Variants in NGLY1 observed in about 807,000 individuals in gnomAD.
The protein encoded by NGLY1 is peptide-N(4)-(N-acetyl-beta-glucosaminyl)asparagine amidase.
In NGLY1, 68 loss-of-function variants were observed where a neutral mutation model predicts 84.6. That is an observed-to-expected ratio of 0.80 (90% CI 0.66 to 0.98). The LOEUF (loss-of-function observed/expected upper bound fraction) is 0.98. Ranked by LOEUF, NGLY1 falls within the 50% of genes least tolerant of loss-of-function variation. The pLI, the probability that NGLY1 is intolerant of heterozygous loss-of-function variation, is 0.00. For missense variants in NGLY1, 779 were observed against 770.2 expected (o/e 1.01, Z -0.14); for synonymous variants, 280 against 275.2 (o/e 1.02, Z -0.17).
chr3:25,762,030 T>A (rs1168664041), intron 3 of NGLY1, among the ~76,000 whole-genome samples: 1 of 152,174 alleles, frequency 6.6e-6, no homozygotes, highest in Non-Finnish European at 1.5e-5. Context: ...ACCACCACTA[T>A]CATCATTTAT....
At chr3:25,739,521 C>A (rs769279743) in intron 5 of NGLY1, 56 bp downstream of exon 5, 74 of 1,496,278 alleles carry the variant, frequency 4.9e-5, no homozygotes, top group Non-Finnish European at 6.6e-5. Flanking sequence ...AGTAAAAACT[C>A]TCTTCTAACT....
At chr3:25,757,251 T>C (rs1223151112) in intron 3 of NGLY1, among the ~76,000 whole-genome samples, 2 of 152,186 alleles carry the variant, frequency 1.3e-5, no homozygotes, top group African/African-American at 4.8e-5. Flanking sequence ...TAAATATTTG[T>C]TATATAGCAT....
intron 4 of NGLY1, among the ~76,000 whole-genome samples, chr3:25,741,916 A>C (rs1575624733): frequency 6.6e-6 from 1 of 152,014 alleles, no homozygotes; most frequent in African/African-American, 2.4e-5. Flanking sequence ...CAGGAGAATC[A>C]CTTGAACCTG....
chr3:25,767,337 A>C (rs1022743620), intron 2 of NGLY1, among the ~76,000 whole-genome samples: 15 of 152,078 alleles, frequency 9.9e-5, no homozygotes, highest in Non-Finnish European at 2.1e-4. Flanking sequence ...TATTTAACAA[A>C]TTTGTTTCTC....
At chr3:25,744,568 G>A (rs1045648300) in intron 4 of NGLY1, among the ~76,000 whole-genome samples, 27 of 152,220 alleles carry the variant, frequency 1.8e-4, no homozygotes, top group Non-Finnish European at 4.0e-4. Flanking sequence ...CTGGGGCAGA[G>A]ACTGATGGTG....
rs967817648 is a variant in NGLY1, at chr3:25,719,352, G to GA, written c.*107dup. 3.8e-6 allele frequency: 3 copies of GA among 782,996 alleles called. No homozygotes were observed. In the African/African-American group the frequency reaches 5.2e-5, roughly 13 times the overall value. 48.5% of individuals were successfully genotyped at this position (782,996 alleles called of 1,614,324 possible). A position where few individuals can be genotyped will look rare whatever the true frequency, so the allele number is the denominator to read the frequency against. ...GTTACATGATGGATAGCTAGCAAAA[G>GA]AAATATGCTAGCACAGGGTGGTAAC... is the stretch of plus-strand genomic sequence containing the variant. On this transcript the variant is annotated 3_prime_UTR_variant, in exon 12 of 12. Transcript: ENST00000280700.
At chr3:25,759,789 AT>A (rs1470633370) in intron 3 of NGLY1, among the ~76,000 whole-genome samples, 1 of 152,170 alleles carries the variant, frequency 6.6e-6, no homozygotes, top group East Asian at 1.9e-4. Flanking sequence ...ACTTCCAATT[AT>A]TTTGATTTCT....
intron 10 of NGLY1, among the ~76,000 whole-genome samples, chr3:25,722,111 G>A (rs933586989): frequency 6.6e-6 from 1 of 151,794 alleles, no homozygotes; most frequent in Non-Finnish European, 1.5e-5. Flanking sequence ...CCAGCTACTC[G>A]GGAGGCTGAT....
rs974451556 is a variant in NGLY1 at position 25,783,349 on chromosome 3, G to T, written c.42C>A (p.Ser14=). Reference sequence around the variant, plus strand: ...TCTGGCAGAGCTCAGCCACGGCCGGGGACGCCGAGCCTGAGGAGCTGCCCA... The same window carrying T: ...TCTGGCAGAGCTCAGCCACGGCCGGTGACGCCGAGCCTGAGGAGCTGCCCA... ...AALGSSSGSA[S]PAVAELCQNT... Residue 14 remains serine, a synonymous_variant, in exon 1 of 12, where the codon TCC becomes TCA. Transcript: ENST00000280700. This position sits in a 1 kb window ranked among gnomAD's most constrained non-coding sequence, Gnocchi z 4.5. 4 of 1,573,732 alleles carry T rather than the reference G, an allele frequency of 2.5e-6. No individual in the cohort carries two copies. Among genetic ancestry groups the T allele is most frequent in the Non-Finnish European group, 3.4e-6 (4 of 1,161,700 alleles).
chr3:25,737,950 C>T (rs1219069242), intron 5 of NGLY1, among the ~76,000 whole-genome samples: 1 of 152,126 alleles, frequency 6.6e-6, no homozygotes, highest in Non-Finnish European at 1.5e-5. Flanking sequence ...TCAAGGTGTT[C>T]ACAATCCTGA....
intron 11 of NGLY1, 132 bp downstream of exon 11, chr3:25,719,882 A>ATTTT: frequency 2.2e-5 from 13 of 597,762 alleles, no homozygotes; most frequent in South Asian, 8.3e-5. Flanking sequence ...GGTTTATTAA[A>ATTTT]TTTTTTTTTT....
Position 25,724,375 on chromosome 3 carries a change from C to T in NGLY1, c.1612-4184G>A, listed in dbSNP as rs138141878. Among the ~76,000 whole-genome samples, 425 of 152,252 alleles carry T rather than the reference C, an allele frequency of 2.8e-3. 1 individual carries two copies. The highest frequency in any genetic ancestry group is 9.5e-3 in the African/African-American group (395 of 41,550). Reference sequence around the variant, plus strand: ...GAATCTCAAATTGTTGCTGGTAAACCGGTACTTGCAATGAGTCTTGTTTTT... The same window carrying T: ...GAATCTCAAATTGTTGCTGGTAAACTGGTACTTGCAATGAGTCTTGTTTTT... On this transcript the variant is annotated intron_variant, in intron 10 of 11. Transcript: ENST00000280700.
chr3:25,776,831 A>T (rs755674544), intron 2 of NGLY1, among the ~76,000 whole-genome samples: 11 of 152,132 alleles, frequency 7.2e-5, no homozygotes, highest in Non-Finnish European at 1.5e-4. Flanking sequence ...CTCCATCTCC[A>T]CCATCAGTAC....
intron 4 of NGLY1, among the ~76,000 whole-genome samples, chr3:25,740,916 C>T (rs1189211602): frequency 2.6e-5 from 4 of 152,010 alleles, no homozygotes; most frequent in African/African-American, 9.7e-5. Context: ...CATCTGAGGT[C>T]AGGAGTTCGA....
At chr3:25,754,980 T>C (rs1326550781) in intron 3 of NGLY1, 2 of 788,036 alleles carry the variant, frequency 2.5e-6, no homozygotes, top group Non-Finnish European at 4.6e-6. Context: ...GCCTTGGTGA[T>C]GGCACAGATC....
chr3:25,736,439 TATC>T (rs1705830337), intron 6 of NGLY1: 3 of 1,480,372 alleles, frequency 2.0e-6, no homozygotes, highest in South Asian at 2.5e-5. Flanking sequence ...GCATAAAAAA[TATC>T]ATCCTGAGTT....
At chr3:25,740,574 T>C (rs1247074748) in intron 4 of NGLY1, among the ~76,000 whole-genome samples, 2 of 152,142 alleles carry the variant, frequency 1.3e-5, no homozygotes, top group Non-Finnish European at 2.9e-5. Context: ...GAAGGACATA[T>C]ATAGCATAAT....
At chr3:25,721,439 T>C (rs1014423881) in intron 10 of NGLY1, among the ~76,000 whole-genome samples, 1 of 152,174 alleles carries the variant, frequency 6.6e-6, no homozygotes. Flanking sequence ...ACATTAAGTC[T>C]AATCTATTAG....
intron 3 of NGLY1, among the ~76,000 whole-genome samples, chr3:25,756,493 T>C (rs541411182): frequency 6.6e-6 from 1 of 152,350 alleles, no homozygotes; most frequent in South Asian, 2.1e-4. Context: ...CAGGTAGTTT[T>C]GGGTCAGTTA....
Sources: allele counts gnomAD v4.1 joint callset (sites outside exome capture counted in the v4.1 genomes callset), GRCh38; gene constraint gnomAD v4.1.1; non-coding constraint Gnocchi (gnomAD v3.1); transcripts MANE v1.5; gene names NCBI Gene and HGNC (gene_info 2026-07-23, HGNC 2026-07-21).